The following ADAM19 variants were observed in gnomAD, a reference collection of about 807,000 sequenced individuals.
ADAM19 encodes the protein disintegrin and metalloproteinase domain-containing protein 19.
A neutral mutation model predicts 114.7 loss-of-function variants in ADAM19; 65 were observed. That is an observed-to-expected ratio of 0.57 (90% CI 0.46 to 0.70). ADAM19 has a LOEUF of 0.70. Among genes scored for constraint, ADAM19 ranks in the 30% least tolerant of loss-of-function variants. The pLI is 0.00. For synonymous variants in ADAM19, 466 were observed against 460.5 expected (o/e 1.01, Z -0.15); for missense variants, 1,063 against 1,204.7 (o/e 0.88, Z 1.74).
chr5:157,510,795 A>G (rs1276781208), intron 8 of ADAM19, among the ~76,000 whole-genome samples: 2 of 152,246 alleles, frequency 1.3e-5, no homozygotes, highest in Admixed American at 6.5e-5. Context: ...TAATACATGG[A>G]TATTTTATTA....
chr5:157,543,271 C>T (rs372762462), intron 3 of ADAM19, among the ~76,000 whole-genome samples: 216 of 152,312 alleles, frequency 1.4e-3, no homozygotes, highest in South Asian at 5.0e-3. Context: ...ATTGTTTTCA[C>T]GTGAGCCACA....
intron 5 of ADAM19, among the ~76,000 whole-genome samples, chr5:157,526,373 G>A (rs78976290): frequency 0.11 from 16,324 of 152,006 alleles, 927 homozygotes; most frequent in South Asian, 0.16. Context: ...AACCTGTATA[G>A]TTATATAATG....
intron 3 of ADAM19, among the ~76,000 whole-genome samples, chr5:157,545,501 C>T (rs1757024271): frequency 6.6e-6 from 1 of 152,124 alleles, no homozygotes; most frequent in African/African-American, 2.4e-5. Context: ...CTTAGTTTTT[C>T]AACTTTTCCC....
chr5:157,530,075 G>C (rs1756580991), intron 5 of ADAM19, among the ~76,000 whole-genome samples: 1 of 152,142 alleles, frequency 6.6e-6, no homozygotes, highest in Admixed American at 6.5e-5. Context: ...TTTATCTTCT[G>C]TTTCTTTGAC....
At chr5:157,506,012 C>G (rs995415371) in intron 10 of ADAM19, among the ~76,000 whole-genome samples, 1 of 152,200 alleles carries the variant, frequency 6.6e-6, no homozygotes, top group African/African-American at 2.4e-5. Flanking sequence ...GTCCATGTTT[C>G]CTGAGTTCTC....
At chr5:157,486,615 T>C (rs1004253310) in intron 21 of ADAM19, among the ~76,000 whole-genome samples, 1 of 152,076 alleles carries the variant, frequency 6.6e-6, no homozygotes, top group Non-Finnish European at 1.5e-5. Flanking sequence ...CCCCGTGTTC[T>C]CTGAACATGC....
In ADAM19 at chr5:157,488,644, C is replaced by A. The variant is rs189761310; in HGVS notation, c.2326-155G>T. On this transcript the variant is annotated intron_variant, in intron 20 of 22. Transcript: ENST00000257527. ...AGAAGTCAGATGCAACCTTTAAAGT[C>A]ATTAGGGGATGTCAGAACCAAATAA... Among the ~76,000 whole-genome samples, 111 of 152,288 alleles carry A rather than the reference C, an allele frequency of 7.3e-4. 1 individual carries two copies. The South Asian group carries it at 8.3e-3, about 11-fold the overall frequency.
At chr5:157,531,966 G>A (rs1346943900) in intron 4 of ADAM19, among the ~76,000 whole-genome samples, 1 of 152,176 alleles carries the variant, frequency 6.6e-6, no homozygotes, top group African/African-American at 2.4e-5. Context: ...CCAGGACTGT[G>A]AGAAAGTAAA....
At chr5:157,558,091 A>G (rs1352911310) in intron 3 of ADAM19, among the ~76,000 whole-genome samples, 1 of 152,212 alleles carries the variant, frequency 6.6e-6, no homozygotes, top group Non-Finnish European at 1.5e-5. Flanking sequence ...CTACATCTCA[A>G]ACAGGACTAC....
In ADAM19 at chr5:157,490,356, G is replaced by A; in HGVS notation, c.2194C>T (p.Gln732Ter). Residue 732 changes from glutamine (Q) to a stop codon, truncating the protein, a stop_gained, in exon 19 of 23, where the codon CAA becomes TAA. Coordinates refer to ENST00000257527, the MANE Select transcript of ADAM19 (RefSeq NM_033274.5). LOFTEE classifies it high-confidence loss of function. ...GAAGGGAGAGCTGAGGGCTTGAGTT[G>A]GCCTAGTTTGTTGTTCTGTCTGCAG... ...YCCRQNNKLG[Q>*]LKPSALPSKL... The A allele has an allele frequency of 6.2e-7, 1 of 1,614,046 alleles. No individual in the cohort carries two copies. The highest frequency in any genetic ancestry group is 8.5e-7 in the Non-Finnish European group (1 of 1,180,030).
intron 12 of ADAM19, among the ~76,000 whole-genome samples, chr5:157,501,506 C>T (rs1755561088): frequency 6.6e-6 from 1 of 152,224 alleles, no homozygotes; most frequent in Non-Finnish European, 1.5e-5. Context: ...AACCCTAGGA[C>T]CAGACACAGT....
Position 157,488,321 on chromosome 5 carries a change from T to C in ADAM19, c.2494A>G (p.Arg832Gly). 6 of 1,614,168 alleles carry C rather than the reference T, an allele frequency of 3.7e-6. No homozygotes were observed. Among genetic ancestry groups the C allele is most frequent in the East Asian group, 2.2e-5 (1 of 44,880 alleles). Reference protein sequence around the residue: ...GSQIERTESSRRPPPSRPIPP... With the variant: ...GSQIERTESSGRPPPSRPIPP... ...ATTGGCCGGCTTGGAGGAGGCCTCC[T>C]GGACGACTCCGTCCTCTCTATTTGA... The change falls in exon 21 of 23, where the codon AGG (arginine) becomes GGG (glycine). Residue 832 changes from arginine to glycine, a missense_variant. This residue lies in a region of ADAM19 where 424 missense variants were observed against 445.5 expected (regional missense o/e 0.95). Transcript: ENST00000257527.
rs191081892 is a variant in ADAM19 at position 157,507,666 on chromosome 5, A to G, written c.906-526T>C. 2.9e-3 allele frequency among the ~76,000 whole-genome samples: 449 copies of G among 152,334 alleles called. 3 individuals are homozygous for G. Among genetic ancestry groups the G allele is most frequent in the African/African-American group, 0.01 (431 of 41,570 alleles). ...TTCATTCCCACATACTCAGGGGCCA[A>G]GGAAACAGCTGTGCCCCATCAGGAG... is the stretch of plus-strand genomic sequence containing the variant. On this transcript the variant is annotated intron_variant, in intron 9 of 22. Coordinates refer to ENST00000257527, the MANE Select transcript of ADAM19 (RefSeq NM_033274.5).
At chr5:157,557,446 T>C (rs73814819) in intron 3 of ADAM19, among the ~76,000 whole-genome samples, 24,309 of 152,128 alleles carry the variant, frequency 0.16, 2,290 homozygotes, top group African/African-American at 0.25. Context: ...TAGACAAGCG[T>C]ATCATGAAGC....
chr5:157,520,725 C>A (rs573462412), intron 5 of ADAM19, among the ~76,000 whole-genome samples: 1 of 152,322 alleles, frequency 6.6e-6, no homozygotes, highest in East Asian at 1.9e-4. Context: ...AGTGATGACA[C>A]GCCTACTTGT....
chr5:157,504,225 G>A (rs1471239664), intron 11 of ADAM19, among the ~76,000 whole-genome samples: 1 of 152,180 alleles, frequency 6.6e-6, no homozygotes, highest in East Asian at 1.9e-4. Context: ...CTGTGAAGCT[G>A]TATCCTGCCT....
At chr5:157,571,066 T>A (rs1439601062) in intron 1 of ADAM19, 86 bp from the exon 2 acceptor site, 1 of 1,121,258 alleles carries the variant, frequency 8.9e-7, no homozygotes, top group East Asian at 2.4e-5. Context: ...GAGCTGCCCC[T>A]GCACTGGGTC....
intron 11 of ADAM19, among the ~76,000 whole-genome samples, chr5:157,505,281 T>C (rs1159128016): frequency 6.6e-6 from 1 of 152,046 alleles, no homozygotes; most frequent in Non-Finnish European, 1.5e-5. Context: ...GAGCTTTCAG[T>C]GAAGCCTGGA....
rs368459984 is a variant in ADAM19 at position 157,486,361 on chromosome 5, C to A, written c.2550+1904G>T. Among the ~76,000 whole-genome samples the A allele has an allele frequency of 2.6e-5, 4 of 152,300 alleles. No homozygotes were observed. The East Asian group carries it at 5.8e-4, about 22-fold the overall frequency. ...CTCAGAGCAGCTGCCTCCCACTGTT[C>A]GCTTGTAGAGAGACACCCACCTGGG... On this transcript the variant is annotated intron_variant, in intron 21 of 22. Coordinates refer to ENST00000257527, the MANE Select transcript of ADAM19 (RefSeq NM_033274.5).
Sources: gnomAD v4.1 joint callset for allele counts (sites outside exome capture counted in the v4.1 genomes callset) on GRCh38, gnomAD v4.1.1 for gene constraint, gnomAD v4.1.1 regional missense constraint, MANE v1.5 for transcripts, NCBI Gene and HGNC (gene_info 2026-07-23, HGNC 2026-07-21) for gene names.